Variants in ZFHX3 observed in about 807,000 individuals in gnomAD.
The protein encoded by ZFHX3 is zinc finger homeobox 3.
ZFHX3 carries 42 observed loss-of-function variants against 279.1 expected under a neutral mutation model. The ratio of observed to expected loss-of-function variants is 0.15; its 90% CI spans 0.12 to 0.19. ZFHX3 has a LOEUF of 0.19. ZFHX3 is among the 10% of genes least tolerant of loss of function. ZFHX3 has a pLI of 1.00. For missense variants in ZFHX3, 4,981 were observed against 4,754.0 expected, an observed-to-expected ratio of 1.05 and a Z score of -1.40; for synonymous variants, 2,293 against 1,957.8, an observed-to-expected ratio of 1.17 and a Z score of -4.52.
chr16:73,694,024 T>TA (rs376731332), intron 1 of ZFHX3, among the ~76,000 whole-genome samples: 32,544 of 146,284 alleles, frequency 0.22, 3,908 homozygotes, highest in African/African-American at 0.34. Context: ...TCGTTTTAGC[T>TA]AAAAAAAAAA....
intron 3 of ZFHX3, among the ~76,000 whole-genome samples, chr16:73,404,749 C>T (rs1366678579): frequency 6.6e-6 from 1 of 152,180 alleles, no homozygotes; most frequent in Admixed American, 6.5e-5. Flanking sequence ...CCCCGCGAGC[C>T]CAGACCACCT....
chr16:73,185,215 A>G (rs571365173), intron 5 of ZFHX3, among the ~76,000 whole-genome samples: 1 of 152,340 alleles, frequency 6.6e-6, no homozygotes, highest in African/African-American at 2.4e-5. Flanking sequence ...TGTTGAGGGC[A>G]TAGGTGATGG....
intron 4 of ZFHX3, among the ~76,000 whole-genome samples, chr16:73,260,875 G>T (rs1283748835): frequency 2.0e-5 from 3 of 151,866 alleles, no homozygotes; most frequent in African/African-American, 7.3e-5. Flanking sequence ...TAGAGACGGG[G>T]GTTTCACCAT....
chr16:73,478,456 A>T (rs527627729), intron 2 of ZFHX3, among the ~76,000 whole-genome samples: 12 of 152,240 alleles, frequency 7.9e-5, no homozygotes, highest in African/African-American at 2.9e-4. Context: ...TAATAAAGGT[A>T]TAATCTGTGA....
intron 1 of ZFHX3, among the ~76,000 whole-genome samples, chr16:73,722,744 T>C (rs2053485734): frequency 6.6e-6 from 1 of 152,158 alleles, no homozygotes; most frequent in East Asian, 1.9e-4. Context: ...CAAAAAAAGT[T>C]TGCCATATTT....
intron 2 of ZFHX3, among the ~76,000 whole-genome samples, chr16:73,497,734 T>C (rs961286942): frequency 2.0e-5 from 3 of 152,012 alleles, no homozygotes; most frequent in African/African-American, 7.2e-5. Context: ...GAAGAAGGAA[T>C]GGGACCAAAG....
At chr16:73,814,311 C>T (rs956186307) in intron 1 of ZFHX3, among the ~76,000 whole-genome samples, 3 of 152,110 alleles carry the variant, frequency 2.0e-5, no homozygotes, top group African/African-American at 7.2e-5. Flanking sequence ...AAGCCAAAAC[C>T]TAGCACATAG....
intron 1 of ZFHX3, among the ~76,000 whole-genome samples, chr16:73,800,472 C>T (rs1960113127): frequency 6.6e-6 from 1 of 152,080 alleles, no homozygotes; most frequent in African/African-American, 2.4e-5. Context: ...CTGCTTTGGC[C>T]TCCCAAAGAG....
intron 1 of ZFHX3, among the ~76,000 whole-genome samples, chr16:73,709,367 AG>A (rs1402940925): frequency 4.0e-5 from 6 of 151,698 alleles, no homozygotes; most frequent in African/African-American, 1.5e-4. Flanking sequence ...AGAGAGAGAG[AG>A]AGAGAGATCC....
chr16:73,835,276 A>G (rs931825101), intron 1 of ZFHX3, among the ~76,000 whole-genome samples: 1 of 152,092 alleles, frequency 6.6e-6, no homozygotes, highest in Non-Finnish European at 1.5e-5. Context: ...GAATCCAGAC[A>G]TGTCTCTCTC....
intron 1 of ZFHX3, among the ~76,000 whole-genome samples, chr16:73,853,026 G>C (rs1009789330): frequency 3.3e-5 from 5 of 152,082 alleles, no homozygotes; most frequent in African/African-American, 1.2e-4. Context: ...GACCTGAACA[G>C]ACATTTCTCA....
intron 3 of ZFHX3, among the ~76,000 whole-genome samples, chr16:72,930,375 T>G (rs1016418162): frequency 1.7e-4 from 26 of 151,902 alleles, no homozygotes; most frequent in African/African-American, 6.3e-4. Flanking sequence ...TTTGCCAAAC[T>G]ATTTGGAATT....
At chr16:72,808,739 A>ATAAT (rs1391642680) in intron 7 of ZFHX3, among the ~76,000 whole-genome samples, 1 of 152,236 alleles carries the variant, frequency 6.6e-6, no homozygotes, top group Admixed American at 6.5e-5. Context: ...TGTCTCCTAC[A>ATAAT]TAATTACATT....
chr16:73,055,723 T>TAC (rs1306492960), intron 1 of ZFHX3, among the ~76,000 whole-genome samples: 100 of 83,192 alleles, frequency 1.2e-3, no homozygotes, highest in East Asian at 3.6e-3. Context: ...CACACACACA[T>TAC]ACACACACAC....
intron 8 of ZFHX3, among the ~76,000 whole-genome samples, chr16:73,072,063 T>A (rs1965831844): frequency 6.6e-6 from 1 of 152,012 alleles, no homozygotes; most frequent in East Asian, 1.9e-4. Context: ...TACTTAGGGG[T>A]AAATTCATAA....
At position 73,881,674 on chromosome 16, in the gene ZFHX3, CTA is replaced by C. The variant is rs202178324; in HGVS notation, c.-1608+9975_-1608+9976del. 8.9e-4 allele frequency among the ~76,000 whole-genome samples: 133 copies of C among 149,058 alleles called. 1 individual carries two copies. Among genetic ancestry groups the C allele is most frequent in the African/African-American group, 3.3e-3 (133 of 40,772 alleles). On this transcript the variant is annotated intron_variant, in intron 1 of 17. Transcript: ENST00000641206. ...TAGGGTTCCCACTACTTAGTTGGTG[CTA>C]TATGTGTGTGTGTGTGTATACATAC...
chr16:73,731,343 C>A (rs1052379367), intron 1 of ZFHX3, among the ~76,000 whole-genome samples: 1 of 152,100 alleles, frequency 6.6e-6, no homozygotes, highest in Non-Finnish European at 1.5e-5. Context: ...ATGCAAAAAA[C>A]CCACCCTGTC....
intron 4 of ZFHX3, 151 bp from the exon 5 acceptor site, chr16:72,830,010 T>C: frequency 1.3e-6 from 1 of 774,042 alleles, no homozygotes; most frequent in East Asian, 2.7e-5. Context: ...CTGACGGTGC[T>C]AAGGATATAC....
intron 5 of ZFHX3, among the ~76,000 whole-genome samples, chr16:73,225,414 G>T (rs2012562558): frequency 6.6e-6 from 1 of 151,968 alleles, no homozygotes; most frequent in Non-Finnish European, 1.5e-5. Flanking sequence ...CCAGGAGTTT[G>T]AGACTAGCCT....
Sources: gnomAD v4.1 joint callset for allele counts (sites outside exome capture counted in the v4.1 genomes callset) on GRCh38, gnomAD v4.1.1 for gene constraint, MANE v1.5 for transcripts, NCBI Gene and HGNC (gene_info 2026-07-23, HGNC 2026-07-21) for gene names.